Variants in KLHDC10 observed in about 807,000 individuals in gnomAD.
KLHDC10 encodes the protein kelch domain containing 10.
A neutral mutation model predicts 56.1 loss-of-function variants in KLHDC10; 24 were observed. The ratio of observed to expected loss-of-function variants is 0.43; its 90% CI spans 0.31 to 0.60. The LOEUF is 0.60. KLHDC10 is among the 20% of genes least tolerant of loss of function. The probability of loss-of-function intolerance (pLI) is 0.11; values close to 1 mark genes in which losing one functional copy is unlikely to be tolerated. For missense variants in KLHDC10, 349 were observed against 567.0 expected (o/e 0.62, Z 3.91); for synonymous variants, 188 against 207.1 (o/e 0.91, Z 0.79).
At chr7:130,092,427 T>C (rs554436408) in intron 1 of KLHDC10, among the ~76,000 whole-genome samples, 1 of 152,368 alleles carries the variant, frequency 6.6e-6, no homozygotes, top group South Asian at 2.1e-4. Context: ...ATCATCTTTA[T>C]CGTGAGTCCT....
intron 1 of KLHDC10, 94 bp downstream of exon 1, chr7:130,070,903 G>A: frequency 1.1e-6 from 1 of 927,974 alleles, no homozygotes; most frequent in Non-Finnish European, 1.4e-6. Context: ...TTGGGAGGAG[G>A]AAAGGCAGGC....
chr7:130,106,667 G>T (rs1796011754), intron 2 of KLHDC10, among the ~76,000 whole-genome samples: 2 of 152,164 alleles, frequency 1.3e-5, no homozygotes, highest in Admixed American at 6.5e-5. Context: ...ATGCTTTTCT[G>T]TATGTTACAT....
chr7:130,077,369 A>C lies in KLHDC10; in HGVS notation c.166+6560A>C, dbSNP rs1356835531. On this transcript the variant is annotated intron_variant, in intron 1 of 9. Coordinates refer to ENST00000335420, the MANE Select transcript of KLHDC10 (RefSeq NM_014997.4). ...ACTCTGTCTCAAAAAAAAAAAAAAA[A>C]AAAAAAAAAAAAACAGTATATGTAT... Among the ~76,000 whole-genome samples, 20 of 148,688 alleles carry C rather than the reference A, an allele frequency of 1.3e-4. No individual in the cohort carries two copies. In the East Asian group the frequency reaches 3.9e-3, roughly 29 times the overall value.
rs554012816 is a variant in KLHDC10, at chr7:130,116,193, A to T, written c.254-252A>T. On this transcript the variant is annotated intron_variant, in intron 2 of 9. Transcript: ENST00000335420. The surrounding 1 kb of genome is among the most constrained non-coding windows in gnomAD (Gnocchi z 4.8). ...TTCTTGAATTTGTCATGCTTTTTAC[A>T]GTTATCAAAATCTGAAGGTAGTCAT... is the stretch of plus-strand genomic sequence containing the variant. Among the ~76,000 whole-genome samples the T allele has an allele frequency of 1.2e-4, 19 of 152,290 alleles. No homozygotes were observed. Among genetic ancestry groups the T allele is most frequent in the Non-Finnish European group, 2.1e-4 (14 of 68,028 alleles).
At chr7:130,123,016 T>TATGGATGG (rs34901862) in intron 5 of KLHDC10, among the ~76,000 whole-genome samples, 2,862 of 149,016 alleles carry the variant, frequency 0.019, 57 homozygotes, top group African/African-American at 0.056. Context: ...TAGATGGATG[T>TATGGATGG]ATGGATGGAT....
At chr7:130,096,507 C>T (rs1036211623) in intron 1 of KLHDC10, among the ~76,000 whole-genome samples, 2 of 152,176 alleles carry the variant, frequency 1.3e-5, no homozygotes, top group Middle Eastern at 3.4e-3. Flanking sequence ...ATTAATATAA[C>T]CTTGAAGAGA....
At chr7:130,125,798 T>G (rs1370696955) in intron 6 of KLHDC10, 67 bp from the exon 7 acceptor site, 2 of 1,253,348 alleles carry the variant, frequency 1.6e-6, no homozygotes, top group African/African-American at 3.1e-5. Flanking sequence ...TTTTAAAAAA[T>G]CCTTTTTCAG....
rs71583769 is a variant in KLHDC10, at chr7:130,125,646, G to A, written c.865-219G>A. Reference sequence around the variant, plus strand: ...TGGAAAGATCAGAAAAAAAGCAAAAGAAAAGAAAGACTTTTCAACTAAGAA... The same window carrying A: ...TGGAAAGATCAGAAAAAAAGCAAAAAAAAAGAAAGACTTTTCAACTAAGAA... On this transcript the variant is annotated intron_variant, in intron 6 of 9. Transcript: ENST00000335420. Among the ~76,000 whole-genome samples the A allele has an allele frequency of 8.3e-3, 1,271 of 152,230 alleles. 2 individuals are homozygous for A. Among genetic ancestry groups the A allele is most frequent in the Non-Finnish European group, 0.014 (956 of 67,988 alleles).
chr7:130,074,168 T>G (rs950934651), intron 1 of KLHDC10, among the ~76,000 whole-genome samples: 11 of 152,340 alleles, frequency 7.2e-5, no homozygotes, highest in Middle Eastern at 3.4e-3. Flanking sequence ...GGATGTATCA[T>G]GCTTCCTCCT....
chr7:130,108,075 A>C (rs4731657), intron 2 of KLHDC10, among the ~76,000 whole-genome samples: 20,140 of 150,704 alleles, frequency 0.13, 1,538 homozygotes, highest in East Asian at 0.31. Context: ...CAAAACAAAA[A>C]AAAACTAGCT....
Position 130,101,949 on chromosome 7 carries a change from G to A in KLHDC10, c.253+4942G>A, listed in dbSNP as rs112020549. On this transcript the variant is annotated intron_variant, in intron 2 of 9. Coordinates refer to ENST00000335420, the MANE Select transcript of KLHDC10 (RefSeq NM_014997.4). ...CATGCCACTGCACTCCAGCCTGGGC[G>A]ACAGAGTGAGACTCCCTCTTAAAAA... 3.4e-3 allele frequency among the ~76,000 whole-genome samples: 435 copies of A among 129,544 alleles called. 4 individuals are homozygous for A. Among genetic ancestry groups the A allele is most frequent in the African/African-American group, 0.012 (411 of 34,640 alleles). 85.0% of individuals were successfully genotyped at this position (129,544 alleles called of 152,430 possible).
chr7:130,082,670 G>C (rs996092823), intron 1 of KLHDC10, among the ~76,000 whole-genome samples: 4 of 152,166 alleles, frequency 2.6e-5, no homozygotes, highest in African/African-American at 9.7e-5. Context: ...AGAAAGAATA[G>C]ACTCTGTTGT....
intron 2 of KLHDC10, among the ~76,000 whole-genome samples, chr7:130,103,627 G>A (rs867608719): frequency 6.6e-6 from 1 of 152,220 alleles, no homozygotes; most frequent in Non-Finnish European, 1.5e-5. Context: ...CCTGCAGCAT[G>A]GTTTGCTACA....
At chr7:130,084,171 A>G (rs1254929087) in intron 1 of KLHDC10, among the ~76,000 whole-genome samples, 2 of 152,172 alleles carry the variant, frequency 1.3e-5, no homozygotes, top group Non-Finnish European at 2.9e-5. Context: ...CCTAAAACTG[A>G]ATTTGTGATC....
At chr7:130,109,560 C>G (rs1004171475) in intron 2 of KLHDC10, among the ~76,000 whole-genome samples, 1 of 152,144 alleles carries the variant, frequency 6.6e-6, no homozygotes, top group African/African-American at 2.4e-5. Flanking sequence ...ATAATGGGTA[C>G]AATTAATACT....
intron 2 of KLHDC10, among the ~76,000 whole-genome samples, chr7:130,102,151 TG>T (rs1393480891): frequency 6.6e-6 from 1 of 152,122 alleles, no homozygotes; most frequent in Non-Finnish European, 1.5e-5. Flanking sequence ...CTGCCAATTT[TG>T]GCAGTAATAA....
chr7:130,124,661 A>G (rs920817874), intron 6 of KLHDC10, 126 bp downstream of exon 6: 7 of 580,656 alleles, frequency 1.2e-5, no homozygotes, highest in Non-Finnish European at 2.2e-5. Flanking sequence ...ATTAACACCT[A>G]TTTTGTGTTG....
At chr7:130,073,811 A>G (rs142572434) in intron 1 of KLHDC10, among the ~76,000 whole-genome samples, 126 of 151,592 alleles carry the variant, frequency 8.3e-4, no homozygotes, top group African/African-American at 2.6e-3. Flanking sequence ...CCTCCTCAAT[A>G]TTTTCTTCTC....
At chr7:130,113,247 G>A (rs950347991) in intron 2 of KLHDC10, among the ~76,000 whole-genome samples, 5 of 152,098 alleles carry the variant, frequency 3.3e-5, no homozygotes, top group Admixed American at 1.3e-4. Flanking sequence ...AGCTCCCAAG[G>A]ACAGAGGTAG....
Sources: gnomAD v4.1 joint callset for allele counts (sites outside exome capture counted in the v4.1 genomes callset) on GRCh38, gnomAD v4.1.1 for gene constraint, Gnocchi (gnomAD v3.1) non-coding constraint, MANE v1.5 for transcripts, NCBI Gene and HGNC (gene_info 2026-07-23, HGNC 2026-07-21) for gene names.